LRRTM4: variants seen among roughly 807,000 people sequenced by gnomAD.
The protein encoded by LRRTM4 is leucine-rich repeat transmembrane neuronal protein 4.
A neutral mutation model predicts 47.6 loss-of-function variants in LRRTM4; 25 were observed. The ratio of observed to expected loss-of-function variants is 0.53; its 90% CI spans 0.38 to 0.73. LRRTM4 has a LOEUF of 0.73. LRRTM4 is among the 30% of genes least tolerant of loss of function. The probability of loss-of-function intolerance (pLI) is 0.00; values close to 1 mark genes in which losing one functional copy is unlikely to be tolerated. For missense variants in LRRTM4, 638 were observed against 713.4 expected (o/e 0.89, Z 1.20); for synonymous variants, 311 against 269.5 (o/e 1.15, Z -1.51).
chr2:77,053,904 A>G (rs1679518960), intron 3 of LRRTM4, among the ~76,000 whole-genome samples: 1 of 152,172 alleles, frequency 6.6e-6, no homozygotes, highest in Non-Finnish European at 1.5e-5. Flanking sequence ...ATCTTCAAAT[A>G]ACCTGTGTTG....
chr2:76,834,320 G>T (rs1053266713), intron 3 of LRRTM4, among the ~76,000 whole-genome samples: 3 of 151,732 alleles, frequency 2.0e-5, no homozygotes, highest in African/African-American at 7.3e-5. Flanking sequence ...CAAAGTACTG[G>T]GATTATAGGC....
At chr2:77,316,612 TC>T (rs1336264965) in intron 3 of LRRTM4, among the ~76,000 whole-genome samples, 2 of 151,788 alleles carry the variant, frequency 1.3e-5, no homozygotes, top group Non-Finnish European at 2.9e-5. Flanking sequence ...GCAGTGCGTA[TC>T]CCCAGCTCAT....
At chr2:77,212,983 G>T (rs187474767) in intron 3 of LRRTM4, among the ~76,000 whole-genome samples, 1 of 152,100 alleles carries the variant, frequency 6.6e-6, no homozygotes, top group East Asian at 1.9e-4. Flanking sequence ...TAGAAATACA[G>T]ACTATATACT....
intron 3 of LRRTM4, chr2:76,987,272 G>T (rs377229987): frequency 1.3e-5 from 2 of 151,666 alleles, no homozygotes; most frequent in African/African-American, 4.8e-5. Context: ...AACATGCAAG[G>T]AAAGTACCCA....
chr2:76,785,666 TTAAAA>T (rs1238940005), intron 3 of LRRTM4, among the ~76,000 whole-genome samples: 5 of 152,178 alleles, frequency 3.3e-5, no homozygotes, highest in Non-Finnish European at 7.4e-5. Flanking sequence ...TGTTAAGATA[TTAAAA>T]TAAGACTTTT....
At chr2:77,361,485 T>C (rs933688263) in intron 3 of LRRTM4, among the ~76,000 whole-genome samples, 2 of 152,152 alleles carry the variant, frequency 1.3e-5, no homozygotes, top group African/African-American at 4.8e-5. Flanking sequence ...CTTAGACAAA[T>C]TATAATGCTC....
At chr2:76,878,772 G>T (rs1672846487) in intron 3 of LRRTM4, among the ~76,000 whole-genome samples, 1 of 152,112 alleles carries the variant, frequency 6.6e-6, no homozygotes, top group East Asian at 1.9e-4. Flanking sequence ...TACTTGGGAG[G>T]CTGAGGCAGG....
chr2:77,204,815 G>T (rs924394791), intron 3 of LRRTM4, among the ~76,000 whole-genome samples: 1 of 152,102 alleles, frequency 6.6e-6, no homozygotes, highest in Non-Finnish European at 1.5e-5. Context: ...ATAAATACTC[G>T]CTGGATAAAT....
At chr2:76,771,703 C>T (rs1673719298) in intron 3 of LRRTM4, among the ~76,000 whole-genome samples, 1 of 151,302 alleles carries the variant, frequency 6.6e-6, no homozygotes. Flanking sequence ...CTGGAAGGCA[C>T]ATCAAAGGCA....
chr2:77,241,296 G>A (rs1322958990), intron 3 of LRRTM4, among the ~76,000 whole-genome samples: 1 of 151,452 alleles, frequency 6.6e-6, no homozygotes, highest in Non-Finnish European at 1.5e-5. Context: ...TTTGACGATC[G>A]CACAAAGGTA....
Position 77,514,233 on chromosome 2 carries a change from T to C in LRRTM4, c.1551+4085A>G, listed in dbSNP as rs537817533. ...TTTCTATAGCTGTATGTCGATAAACTGTTAATTAAACTCAAGGTAACTGGG... is the reference window on the plus strand; with the variant it reads ...TTTCTATAGCTGTATGTCGATAAACCGTTAATTAAACTCAAGGTAACTGGG... On this transcript the variant is annotated intron_variant, in intron 3 of 3. Transcript: ENST00000409884. 2.6e-4 allele frequency among the ~76,000 whole-genome samples: 40 copies of C among 152,174 alleles called. No homozygotes were observed. The South Asian group carries it at 8.1e-3, about 31-fold the overall frequency.
chr2:76,910,458 G>A (rs1426461349), intron 3 of LRRTM4, among the ~76,000 whole-genome samples: 1 of 151,948 alleles, frequency 6.6e-6, no homozygotes, highest in Non-Finnish European at 1.5e-5. Flanking sequence ...AAACTAACCT[G>A]CACATTGTGC....
intron 3 of LRRTM4, among the ~76,000 whole-genome samples, chr2:77,050,738 C>A (rs2103771053): frequency 6.6e-6 from 1 of 152,202 alleles, no homozygotes; most frequent in East Asian, 1.9e-4. Context: ...ATTACTTAAC[C>A]TCTCCAAACC....
chr2:77,130,873 C>T (rs1460647211), intron 3 of LRRTM4, among the ~76,000 whole-genome samples: 18 of 80,668 alleles, frequency 2.2e-4, no homozygotes, highest in South Asian at 1.0e-3. Context: ...CTCGCTCTGT[C>T]GCCCAGGCTG....
At chr2:76,889,217 T>G (rs964461424) in intron 3 of LRRTM4, among the ~76,000 whole-genome samples, 1 of 151,938 alleles carries the variant, frequency 6.6e-6, no homozygotes, top group African/African-American at 2.4e-5. Context: ...TGATCGCCAT[T>G]TTACTCATCT....
intron 3 of LRRTM4, among the ~76,000 whole-genome samples, chr2:77,415,456 G>A (rs182331670): frequency 1.2e-3 from 184 of 152,120 alleles, no homozygotes; most frequent in African/African-American, 4.1e-3. Context: ...TACTGAACTC[G>A]AAACTTATTC....
intron 3 of LRRTM4, among the ~76,000 whole-genome samples, chr2:77,412,606 A>G (rs895467002): frequency 3.9e-5 from 6 of 152,200 alleles, no homozygotes; most frequent in Non-Finnish European, 8.8e-5. Context: ...TGAAACACAC[A>G]GCCGTGTCTG....
chr2:76,979,494 C>T (rs981619285), intron 3 of LRRTM4, among the ~76,000 whole-genome samples: 5 of 139,640 alleles, frequency 3.6e-5, no homozygotes, highest in African/African-American at 1.1e-4. Flanking sequence ...AGATACGTGA[C>T]AGCACAGACA....
intron 3 of LRRTM4, among the ~76,000 whole-genome samples, chr2:76,958,957 A>C (rs1038086649): frequency 1.3e-5 from 2 of 148,898 alleles, no homozygotes; most frequent in African/African-American, 4.9e-5. Flanking sequence ...TGTAAAGCCC[A>C]AAAGGGACTG....
Sources: allele counts gnomAD v4.1 joint callset (sites outside exome capture counted in the v4.1 genomes callset), GRCh38; gene constraint gnomAD v4.1.1; transcripts MANE v1.5; gene names NCBI Gene and HGNC (gene_info 2026-07-23, HGNC 2026-07-21).